SLC7A14: variants seen among roughly 807,000 people sequenced by gnomAD.
The protein encoded by SLC7A14 is solute carrier family 7 member 14.
SLC7A14 carries 37 observed loss-of-function variants against 60.2 expected under a neutral mutation model. That is an observed-to-expected ratio of 0.61 (90% CI 0.47 to 0.81). The LOEUF (loss-of-function observed/expected upper bound fraction) is 0.81, where lower values mean the gene tolerates loss of function less well. Ranked by LOEUF, SLC7A14 falls within the 30% of genes least tolerant of loss-of-function variation. The pLI is 0.00. For synonymous variants in SLC7A14, 399 were observed against 395.8 expected, an observed-to-expected ratio of 1.01 and a Z score of -0.10; for missense variants, 886 against 982.7, an observed-to-expected ratio of 0.90 and a Z score of 1.32.
chr3:170,470,098 CA>C (rs1340183999), intron 7 of SLC7A14, among the ~76,000 whole-genome samples: 1 of 152,118 alleles, frequency 6.6e-6, no homozygotes, highest in African/African-American at 2.4e-5. Context: ...GAAGAAGAAA[CA>C]GAGGCTGGGA....
chr3:170,499,369 T>G (rs1056821385), intron 3 of SLC7A14, among the ~76,000 whole-genome samples: 2 of 147,864 alleles, frequency 1.4e-5, no homozygotes, highest in African/African-American at 5.1e-5. Context: ...TATTTGCAAA[T>G]GAGCAGGATT....
At chr3:170,494,746 C>T (rs1425283599) in intron 4 of SLC7A14, among the ~76,000 whole-genome samples, 2 of 152,218 alleles carry the variant, frequency 1.3e-5, no homozygotes, top group African/African-American at 4.8e-5. Flanking sequence ...AATGCATATG[C>T]AGCCTGGGTC....
chr3:170,546,288 A>T (rs893284282), intron 1 of SLC7A14, among the ~76,000 whole-genome samples: 12 of 152,204 alleles, frequency 7.9e-5, no homozygotes, highest in African/African-American at 2.7e-4. Context: ...AAGCAGGTTG[A>T]TAAATGACTG....
intron 1 of SLC7A14, among the ~76,000 whole-genome samples, chr3:170,543,284 C>T (rs775342850): frequency 6.6e-6 from 1 of 152,110 alleles, no homozygotes; most frequent in Non-Finnish European, 1.5e-5. Flanking sequence ...CTCGAACCAG[C>T]CCAAGGAGAG....
intron 2 of SLC7A14, among the ~76,000 whole-genome samples, chr3:170,512,716 T>G (rs1039200792): frequency 7.2e-5 from 9 of 124,976 alleles, no homozygotes; most frequent in Non-Finnish European, 9.5e-5. Flanking sequence ...CAGGCTGGAG[T>G]GCAGTGGAAC....
intron 1 of SLC7A14, among the ~76,000 whole-genome samples, chr3:170,579,295 A>G (rs1169452245): frequency 1.3e-5 from 2 of 152,238 alleles, no homozygotes; most frequent in Non-Finnish European, 2.9e-5. Flanking sequence ...GTTATAAAAT[A>G]TTGACATAAT....
chr3:170,461,650 C>G lies in SLC7A14; in HGVS notation c.*5405G>C, dbSNP rs1375151414. 6.6e-6 allele frequency: 1 copy of G among 152,206 alleles called. No homozygotes were observed. Among genetic ancestry groups the G allele is most frequent in the South Asian group, 2.1e-4 (1 of 4,808 alleles). 9.4% of individuals were successfully genotyped at this position (152,206 alleles called of 1,614,324 possible). ...TGGTTCCTGCGTGTGGTGGGGCCTG[C>G]GGTTTGGGATGCTGTTTCTGCACTT... On this transcript the variant is annotated 3_prime_UTR_variant, in exon 8 of 8. Transcript: ENST00000231706.
rs182741087 is a variant in SLC7A14 at position 170,494,639 on chromosome 3, C to T, written c.759+4028G>A. 3.9e-5 allele frequency among the ~76,000 whole-genome samples: 6 copies of T among 152,240 alleles called. No individual in the cohort carries two copies. The East Asian group carries it at 7.7e-4, about 20-fold the overall frequency. ...GTGGGGCCTAAACTAGAGTGTGTGCCGTTTGGGTGAGCTAATAGGAGGATT... is the reference window on the plus strand; with the variant it reads ...GTGGGGCCTAAACTAGAGTGTGTGCTGTTTGGGTGAGCTAATAGGAGGATT... On this transcript the variant is annotated intron_variant, in intron 4 of 7. Transcript: ENST00000231706.
At chr3:170,528,533 G>A (rs1466993385) in intron 1 of SLC7A14, among the ~76,000 whole-genome samples, 1 of 152,154 alleles carries the variant, frequency 6.6e-6, no homozygotes, top group Non-Finnish European at 1.5e-5. Context: ...ACTTAATGTA[G>A]CACTTGTCTG....
intron 2 of SLC7A14, 40 bp from the exon 3 acceptor site, chr3:170,501,385 G>A (rs773326461): frequency 6.4e-7 from 1 of 1,552,182 alleles, no homozygotes; most frequent in Non-Finnish European, 8.9e-7. Flanking sequence ...GACTTCAGGA[G>A]ATGAGCTGAC....
intron 4 of SLC7A14, among the ~76,000 whole-genome samples, chr3:170,492,253 T>G (rs1712243564): frequency 6.6e-6 from 1 of 152,218 alleles, no homozygotes; most frequent in Non-Finnish European, 1.5e-5. Flanking sequence ...TATGTGTATG[T>G]GTGTTCGTGT....
chr3:170,482,377 T>C (rs992657810), intron 6 of SLC7A14, among the ~76,000 whole-genome samples: 1 of 152,202 alleles, frequency 6.6e-6, no homozygotes, highest in African/African-American at 2.4e-5. Context: ...GCAGCTCTGA[T>C]CTGGTGATGG....
chr3:170,526,533 T>C (rs955996952), intron 2 of SLC7A14, 100 bp downstream of exon 2: 2 of 1,436,986 alleles, frequency 1.4e-6, no homozygotes. Context: ...TTCTGCCACT[T>C]CATACATCTC....
At chr3:170,563,380 C>T (rs1714705861) in intron 1 of SLC7A14, among the ~76,000 whole-genome samples, 1 of 150,768 alleles carries the variant, frequency 6.6e-6, no homozygotes, top group Non-Finnish European at 1.5e-5. Flanking sequence ...AAAAAAGGTG[C>T]ACTCACATCA....
intron 4 of SLC7A14, among the ~76,000 whole-genome samples, chr3:170,490,155 G>A (rs1434875100): frequency 3.3e-5 from 5 of 152,252 alleles, no homozygotes; most frequent in African/African-American, 7.2e-5. Flanking sequence ...CATTCTCCAC[G>A]ATGTGCTTAT....
In SLC7A14 at chr3:170,501,262, A is replaced by T; in HGVS notation, c.388T>A (p.Phe130Ile). Residue 130 changes from phenylalanine to isoleucine, a missense_variant, in exon 3 of 8, where the codon TTT (phenylalanine) becomes ATT (isoleucine). Coordinates refer to ENST00000231706, the MANE Select transcript of SLC7A14 (RefSeq NM_020949.3). ...YTYSYVTVGE[F>I]VAFFIGWNLI... ...TTCCAGCCAATGAAAAATGCCACAA[A>T]TTCCCCAACAGTGACATAGCTGTAG... 6.2e-7 allele frequency: 1 copy of T among 1,614,202 alleles called. No individual in the cohort carries two copies. The highest frequency in any genetic ancestry group is 1.1e-5 in the South Asian group (1 of 91,086).
chr3:170,491,067 G>C (rs1161009021), intron 4 of SLC7A14, among the ~76,000 whole-genome samples: 1 of 152,066 alleles, frequency 6.6e-6, no homozygotes, highest in Non-Finnish European at 1.5e-5. Flanking sequence ...CATGTGCCAG[G>C]CACTGTGCTT....
intron 4 of SLC7A14, 69 bp from the exon 5 acceptor site, chr3:170,486,437 T>C: frequency 6.2e-7 from 1 of 1,601,560 alleles, no homozygotes; most frequent in South Asian, 1.1e-5. Flanking sequence ...ATGTGGAAAG[T>C]GCAATTGCTC....
chr3:170,583,258 G>C (rs1715286302), intron 1 of SLC7A14, among the ~76,000 whole-genome samples: 1 of 152,176 alleles, frequency 6.6e-6, no homozygotes, highest in Non-Finnish European at 1.5e-5. Context: ...CTGCTTCAGA[G>C]AAAACTGTTA....
Sources: gnomAD v4.1 joint callset for allele counts (sites outside exome capture counted in the v4.1 genomes callset) on GRCh38, gnomAD v4.1.1 for gene constraint, MANE v1.5 for transcripts, NCBI Gene and HGNC (gene_info 2026-07-23, HGNC 2026-07-21) for gene names.